Variants in NKAIN2 observed in about 807,000 individuals in gnomAD.
NKAIN2 encodes the protein sodium/potassium transporting ATPase interacting 2.
In NKAIN2, 14 loss-of-function variants were observed where a neutral mutation model predicts 32.6. The observed-to-expected ratio is 0.43, with a 90% CI of 0.28 to 0.67. NKAIN2 has a LOEUF of 0.67. Among genes scored for constraint, NKAIN2 ranks in the 30% least tolerant of loss-of-function variants. The pLI is 0.17. For synonymous variants in NKAIN2, 80 were observed against 87.2 expected, an observed-to-expected ratio of 0.92 and a Z score of 0.46; for missense variants, 198 against 258.3, an observed-to-expected ratio of 0.77 and a Z score of 1.60.
intron 5 of NKAIN2, among the ~76,000 whole-genome samples, chr6:124,812,194 C>A (rs1653807801): frequency 2.6e-5 from 4 of 152,122 alleles, no homozygotes; most frequent in African/African-American, 9.7e-5. Flanking sequence ...CAAAAAGTTT[C>A]TTTTGTGTAT....
intron 4 of NKAIN2, among the ~76,000 whole-genome samples, chr6:124,766,668 C>T (rs1446999096): frequency 6.6e-6 from 1 of 152,156 alleles, no homozygotes; most frequent in Non-Finnish European, 1.5e-5. Context: ...TATCTGCTGA[C>T]ACAGTTTCTG....
chr6:124,039,589 A>G (rs1245285739), intron 1 of NKAIN2, among the ~76,000 whole-genome samples: 1 of 151,872 alleles, frequency 6.6e-6, no homozygotes, highest in Non-Finnish European at 1.5e-5. Context: ...TATTCAGTGA[A>G]TATCTATTGA....
intron 1 of NKAIN2, among the ~76,000 whole-genome samples, chr6:124,273,673 A>G (rs916982032): frequency 9.9e-5 from 15 of 152,172 alleles, no homozygotes; most frequent in African/African-American, 2.9e-4. Context: ...CTCAATACCT[A>G]TGATACTCTA....
intron 1 of NKAIN2, among the ~76,000 whole-genome samples, chr6:124,273,078 G>A (rs1794870518): frequency 6.6e-6 from 1 of 152,166 alleles, no homozygotes; most frequent in Non-Finnish European, 1.5e-5. Context: ...GGACTTTTGG[G>A]TTAATGCTGG....
At chr6:124,446,554 G>T (rs1775902801) in intron 3 of NKAIN2, among the ~76,000 whole-genome samples, 1 of 152,006 alleles carries the variant, frequency 6.6e-6, no homozygotes, top group Non-Finnish European at 1.5e-5. Flanking sequence ...CATTGCCCAG[G>T]CTGGTCTTGA....
At chr6:123,946,986 G>A (rs537366866) in intron 1 of NKAIN2, among the ~76,000 whole-genome samples, 1 of 152,150 alleles carries the variant, frequency 6.6e-6, no homozygotes, top group Non-Finnish European at 1.5e-5. Context: ...ACCCAGGAAG[G>A]AAGACCTTTC....
chr6:124,676,965 C>T (rs750227014), intron 4 of NKAIN2, among the ~76,000 whole-genome samples: 31 of 151,782 alleles, frequency 2.0e-4, no homozygotes, highest in Non-Finnish European at 2.2e-4. Context: ...TTGTTGTTGT[C>T]GTTGTTGTTG....
chr6:124,390,312 T>A (rs1171917946), intron 3 of NKAIN2, among the ~76,000 whole-genome samples: 1 of 152,076 alleles, frequency 6.6e-6, no homozygotes, highest in Non-Finnish European at 1.5e-5. Flanking sequence ...TACTAACCAT[T>A]CTGGAACTAT....
chr6:124,154,496 C>T (rs927324005), intron 1 of NKAIN2, among the ~76,000 whole-genome samples: 2 of 151,922 alleles, frequency 1.3e-5, no homozygotes, highest in Non-Finnish European at 1.5e-5. Context: ...ACTGATGCTA[C>T]GAAGACTTTT....
At chr6:124,136,607 A>G (rs902803569) in intron 1 of NKAIN2, among the ~76,000 whole-genome samples, 1 of 152,136 alleles carries the variant, frequency 6.6e-6, no homozygotes, top group Non-Finnish European at 1.5e-5. Flanking sequence ...AAAATCCTCA[A>G]TAAAATACTG....
intron 2 of NKAIN2, among the ~76,000 whole-genome samples, chr6:124,285,167 G>T (rs1350612173): frequency 6.6e-6 from 1 of 152,136 alleles, no homozygotes; most frequent in African/African-American, 2.4e-5. Context: ...TGTGCATTTG[G>T]ATTTTTCCCT....
At chr6:124,284,577 A>C (rs1004028726) in intron 2 of NKAIN2, among the ~76,000 whole-genome samples, 6 of 152,154 alleles carry the variant, frequency 3.9e-5, no homozygotes, top group South Asian at 4.1e-4. Flanking sequence ...TCTGAATATC[A>C]TTATGTAAAT....
At chr6:124,335,448 T>G (rs1797825567) in intron 2 of NKAIN2, among the ~76,000 whole-genome samples, 1 of 152,172 alleles carries the variant, frequency 6.6e-6, no homozygotes, top group Non-Finnish European at 1.5e-5. Flanking sequence ...TTTACATATT[T>G]TAGAAGCTGT....
Position 124,820,315 on chromosome 6 carries a change from G to A in NKAIN2, c.617+1847G>A, listed in dbSNP as rs552155066. On this transcript the variant is annotated intron_variant, in intron 6 of 6. Transcript: ENST00000368417. ...GTCTGAGATTAAATTCCCTCCGACCGTGGGCATGTAACTTTGTTTGAATAA... is the reference window on the plus strand; with the variant it reads ...GTCTGAGATTAAATTCCCTCCGACCATGGGCATGTAACTTTGTTTGAATAA... Among the ~76,000 whole-genome samples, 29 of 152,288 alleles carry A rather than the reference G, an allele frequency of 1.9e-4. No individual in the cohort carries two copies. The South Asian group carries it at 4.1e-3, about 22-fold the overall frequency.
intron 1 of NKAIN2, among the ~76,000 whole-genome samples, chr6:124,035,994 T>C (rs1582967469): frequency 6.6e-6 from 1 of 152,100 alleles, no homozygotes; most frequent in African/African-American, 2.4e-5. Context: ...TAACATAAAC[T>C]CAGTTTAGAA....
intron 4 of NKAIN2, among the ~76,000 whole-genome samples, chr6:124,708,077 A>T (rs1775199384): frequency 6.7e-6 from 1 of 149,578 alleles, no homozygotes; most frequent in East Asian, 2.0e-4. Flanking sequence ...CAGTTTTCCC[A>T]GCACCATTTA....
At chr6:124,089,219 A>G (rs1368823562) in intron 1 of NKAIN2, among the ~76,000 whole-genome samples, 3 of 151,930 alleles carry the variant, frequency 2.0e-5, no homozygotes, top group Non-Finnish European at 4.4e-5. Context: ...GGATAGTTCT[A>G]TTAAGCAGGC....
intron 1 of NKAIN2, among the ~76,000 whole-genome samples, chr6:123,810,534 C>G (rs180878285): frequency 6.6e-6 from 1 of 152,282 alleles, no homozygotes; most frequent in Admixed American, 6.5e-5. Flanking sequence ...AGCAAGTATC[C>G]ATTGCTGTTC....
In NKAIN2 at chr6:124,231,559, T is replaced by C. The variant is rs951835274; in HGVS notation, c.55-51446T>C. Among the ~76,000 whole-genome samples, 3 of 152,258 alleles carry C rather than the reference T, an allele frequency of 2.0e-5. No individual in the cohort carries two copies. The East Asian group carries it at 5.8e-4, about 30-fold the overall frequency. Reference sequence around the variant, plus strand: ...ATGGGAGGGACTTGGTAGGAGATAATTGAATCATGGGGTGGGTCTTTCCCA... The same window carrying C: ...ATGGGAGGGACTTGGTAGGAGATAACTGAATCATGGGGTGGGTCTTTCCCA... On this transcript the variant is annotated intron_variant, in intron 1 of 6. Transcript: ENST00000368417.
Sources: gnomAD v4.1 joint callset for allele counts (sites outside exome capture counted in the v4.1 genomes callset) on GRCh38, gnomAD v4.1.1 for gene constraint, MANE v1.5 for transcripts, NCBI Gene and HGNC (gene_info 2026-07-23, HGNC 2026-07-21) for gene names.